DOK5: variants seen among roughly 807,000 people sequenced by gnomAD.
The protein encoded by DOK5 is docking protein 5.
In DOK5, 27 loss-of-function variants were observed where a neutral mutation model predicts 43.3. That is an observed-to-expected ratio of 0.62 (90% CI 0.46 to 0.86). The LOEUF is 0.86. DOK5 is among the 40% of genes least tolerant of loss of function. The probability of loss-of-function intolerance (pLI) is 0.00; values close to 1 mark genes in which losing one functional copy is unlikely to be tolerated. For synonymous variants in DOK5, 146 were observed against 140.1 expected (o/e 1.04, Z -0.30); for missense variants, 373 against 392.9 (o/e 0.95, Z 0.43).
At chr20:54,563,664 G>GTTTTTT (rs76886127) in intron 2 of DOK5, among the ~76,000 whole-genome samples, 9 of 114,338 alleles carry the variant, frequency 7.9e-5, no homozygotes, top group South Asian at 2.9e-4. Flanking sequence ...TATTTGTCAG[G>GTTTTTT]TTTTTTTTTT....
At chr20:54,644,907 A>T (rs918634748) in intron 7 of DOK5, among the ~76,000 whole-genome samples, 1 of 143,596 alleles carries the variant, frequency 7.0e-6, no homozygotes, top group African/African-American at 2.5e-5. Context: ...CCTTTCAAAC[A>T]TATTTGTTTT....
intron 6 of DOK5, among the ~76,000 whole-genome samples, chr20:54,621,664 G>A (rs1986980065): frequency 6.6e-6 from 1 of 151,738 alleles, no homozygotes; most frequent in Non-Finnish European, 1.5e-5. Flanking sequence ...GCTCTAGCCT[G>A]GGCAATAGAA....
chr20:54,568,823 G>A (rs1170128093), intron 2 of DOK5, among the ~76,000 whole-genome samples: 4 of 151,798 alleles, frequency 2.6e-5, no homozygotes, highest in African/African-American at 7.3e-5. Flanking sequence ...CCAGCTACTC[G>A]GGAGGCTGAG....
intron 6 of DOK5, among the ~76,000 whole-genome samples, chr20:54,627,495 C>T (rs546077146): frequency 1.1e-4 from 16 of 152,202 alleles, no homozygotes; most frequent in South Asian, 4.2e-4. Flanking sequence ...AAAGTCAGGA[C>T]GGGAACCAAA....
intron 2 of DOK5, among the ~76,000 whole-genome samples, chr20:54,587,874 G>A (rs1985857727): frequency 1.3e-5 from 2 of 152,130 alleles, no homozygotes; most frequent in Non-Finnish European, 2.9e-5. Context: ...AGAGACAGTG[G>A]GAAAATATTT....
At chr20:54,607,510 T>G (rs1046766241) in intron 5 of DOK5, among the ~76,000 whole-genome samples, 9 of 151,998 alleles carry the variant, frequency 5.9e-5, no homozygotes, top group Non-Finnish European at 1.3e-4. Context: ...TAGTTTTGGT[T>G]TCATTTGTTT....
chr20:54,517,960 G>A (rs752455626), intron 1 of DOK5, among the ~76,000 whole-genome samples: 1 of 152,078 alleles, frequency 6.6e-6, no homozygotes, highest in Non-Finnish European at 1.5e-5. Flanking sequence ...TTGTTTATAA[G>A]CCATCCAGTT....
chr20:54,610,010 G>A (rs1157380869), intron 5 of DOK5, among the ~76,000 whole-genome samples: 1 of 152,210 alleles, frequency 6.6e-6, no homozygotes, highest in Admixed American at 6.5e-5. Context: ...CTGATGAGGA[G>A]CTATTCACAG....
chr20:54,588,404 T>C lies in DOK5; in HGVS notation c.175-79T>C, dbSNP rs1190839577. On this transcript the variant is annotated intron_variant, in intron 2 of 7. Transcript: ENST00000262593. Reference sequence around the variant, plus strand: ...TCAGCTGTGCTGTGCCATACTGATTTCCGGGCCTCACCTTTGGTGTTGTAT... The same window carrying C: ...TCAGCTGTGCTGTGCCATACTGATTCCCGGGCCTCACCTTTGGTGTTGTAT... 4 of 1,170,630 alleles carry C rather than the reference T, an allele frequency of 3.4e-6. No individual in the cohort carries two copies. In the Admixed American group the frequency reaches 5.1e-5, roughly 15 times the overall value. 72.5% of individuals were successfully genotyped at this position (1,170,630 alleles called of 1,614,324 possible). A position where few individuals can be genotyped will look rare whatever the true frequency, so the allele number is the denominator to read the frequency against.
At chr20:54,649,818 G>A (rs1171129780) in intron 7 of DOK5, among the ~76,000 whole-genome samples, 1 of 152,172 alleles carries the variant, frequency 6.6e-6, no homozygotes, top group African/African-American at 2.4e-5. Context: ...CTCAGTAGTC[G>A]CAATGAGACC....
At chr20:54,647,962 T>TG (rs1979516650) in intron 7 of DOK5, among the ~76,000 whole-genome samples, 1 of 152,166 alleles carries the variant, frequency 6.6e-6, no homozygotes, top group South Asian at 2.1e-4. Context: ...CCATATTCAA[T>TG]GGGGTCTTTC....
intron 5 of DOK5, among the ~76,000 whole-genome samples, chr20:54,597,927 G>A (rs903085186): frequency 1.3e-5 from 2 of 152,014 alleles, no homozygotes; most frequent in African/African-American, 2.4e-5. Flanking sequence ...GCCTCAATGT[G>A]AGGAAGGCAT....
At chr20:54,543,724 CAG>C (rs1317406634) in intron 1 of DOK5, among the ~76,000 whole-genome samples, 1 of 152,044 alleles carries the variant, frequency 6.6e-6, no homozygotes, top group Non-Finnish European at 1.5e-5. Flanking sequence ...AGAAGAGAAA[CAG>C]ATTAAAAAGC....
intron 2 of DOK5, among the ~76,000 whole-genome samples, chr20:54,564,078 TTATA>T (rs763942121): frequency 1.8e-4 from 28 of 152,178 alleles, no homozygotes; most frequent in Non-Finnish European, 3.4e-4. Flanking sequence ...TATTTATAGT[TTATA>T]TAGATACATT....
chr20:54,562,393 T>C (rs1369624739), intron 2 of DOK5, among the ~76,000 whole-genome samples: 1 of 152,180 alleles, frequency 6.6e-6, no homozygotes, highest in Admixed American at 6.5e-5. Flanking sequence ...ATAACAGAGA[T>C]AATGACATCA....
intron 6 of DOK5, among the ~76,000 whole-genome samples, chr20:54,629,223 G>C (rs371134295): frequency 7.9e-5 from 12 of 152,280 alleles, no homozygotes; most frequent in African/African-American, 2.9e-4. Flanking sequence ...ATAAGATTGC[G>C]CTTAGAGGAG....
chr20:54,531,792 A>G (rs943419221), intron 1 of DOK5, among the ~76,000 whole-genome samples: 2 of 152,192 alleles, frequency 1.3e-5, no homozygotes, highest in African/African-American at 2.4e-5. Context: ...TCTTCATTTT[A>G]CTTGGAAACT....
chr20:54,542,204 T>C (rs565538152), intron 1 of DOK5, among the ~76,000 whole-genome samples: 1 of 152,240 alleles, frequency 6.6e-6, no homozygotes, highest in South Asian at 2.1e-4. Flanking sequence ...ATTTTCTCCC[T>C]TTTGTTCATA....
intron 1 of DOK5, among the ~76,000 whole-genome samples, chr20:54,488,687 TTTCC>T (rs2058153473): frequency 6.6e-6 from 1 of 151,662 alleles, no homozygotes; most frequent in African/African-American, 2.4e-5. Context: ...TCCTTCCTTC[TTTCC>T]TTCCTTCCCT....
Sources: gnomAD v4.1 joint callset for allele counts (sites outside exome capture counted in the v4.1 genomes callset) on GRCh38, gnomAD v4.1.1 for gene constraint, MANE v1.5 for transcripts, NCBI Gene and HGNC (gene_info 2026-07-23, HGNC 2026-07-21) for gene names.